Variants in AVEN observed in about 807,000 individuals in gnomAD.
AVEN encodes the protein cell death regulator Aven.
AVEN carries 41 observed loss-of-function variants against 38.1 expected under a neutral mutation model. The ratio of observed to expected loss-of-function variants is 1.08; its 90% CI spans 0.84 to 1.40. The LOEUF (loss-of-function observed/expected upper bound fraction) is 1.40. Among genes scored for constraint, AVEN ranks in the 40% most tolerant of loss-of-function variants. The pLI, the probability that AVEN is intolerant of heterozygous loss-of-function variation, is 0.00. For missense variants in AVEN, 605 were observed against 438.8 expected (o/e 1.38, Z -3.38); for synonymous variants, 206 against 171.8 (o/e 1.20, Z -1.56).
At chr15:33,997,491 T>C (rs557517864) in intron 2 of AVEN, among the ~76,000 whole-genome samples, 2 of 152,296 alleles carry the variant, frequency 1.3e-5, no homozygotes, top group Admixed American at 6.5e-5. Context: ...GGCACACCCG[T>C]ATTTTTATAT....
At chr15:33,961,757 G>A (rs1268184739) in intron 2 of AVEN, among the ~76,000 whole-genome samples, 8 of 135,658 alleles carry the variant, frequency 5.9e-5, no homozygotes, top group African/African-American at 1.1e-4. Context: ...AGCTTGCAGT[G>A]AGCCGAGATC....
intron 2 of AVEN, among the ~76,000 whole-genome samples, chr15:33,935,870 G>A (rs1161040293): frequency 1.3e-5 from 2 of 152,006 alleles, no homozygotes; most frequent in African/African-American, 2.4e-5. Flanking sequence ...AGACCGAGAG[G>A]ACTCCTTTAT....
chr15:34,067,598 C>A (rs898999587), intron 2 of AVEN: 1 of 152,210 alleles, frequency 6.6e-6, no homozygotes, highest in African/African-American at 2.4e-5. Flanking sequence ...TATGGATACA[C>A]GTCCTTCTTG....
chr15:33,968,335 C>A (rs538970301), intron 2 of AVEN, among the ~76,000 whole-genome samples: 1 of 152,180 alleles, frequency 6.6e-6, no homozygotes, highest in African/African-American at 2.4e-5. Context: ...GCTGTTCAAA[C>A]AGAGAACACC....
chr15:33,857,830 G>T (rs377333580), downstream of AVEN: 89 of 1,614,060 alleles, frequency 5.5e-5, 1 homozygote, highest in Middle Eastern at 8.2e-4. Context: ...TCTATACTGT[G>T]GTGGCTTTCA....
chr15:33,858,788 A>G (rs2080004659), exon 12 of AVEN: 1 of 152,170 alleles, frequency 6.6e-6, no homozygotes, highest in Admixed American at 6.5e-5. Flanking sequence ...TTTTGACCAG[A>G]TTTCAGAAAA....
chr15:33,854,492 C>A, downstream of AVEN: 2 of 1,478,212 alleles, frequency 1.4e-6, no homozygotes, highest in South Asian at 1.2e-5. Context: ...TACCCCAGTT[C>A]AGGGATGCCA....
At chr15:34,002,924 G>C in intron 2 of AVEN, 108 bp downstream of exon 2, 3 of 1,062,088 alleles carry the variant, frequency 2.8e-6, no homozygotes, top group Middle Eastern at 2.1e-4. Flanking sequence ...AAAATCCAAA[G>C]AACAAAGGAT....
intron 2 of AVEN, among the ~76,000 whole-genome samples, chr15:33,974,371 C>A (rs1278122934): frequency 6.6e-6 from 1 of 152,208 alleles, no homozygotes; most frequent in Non-Finnish European, 1.5e-5. Context: ...AGGAATGAAT[C>A]TTTGCAAGTT....
At chr15:33,983,563 C>T (rs1172175745) in intron 2 of AVEN, among the ~76,000 whole-genome samples, 2 of 151,970 alleles carry the variant, frequency 1.3e-5, no homozygotes, top group Non-Finnish European at 2.9e-5. Flanking sequence ...GAACTAGTTC[C>T]CCTGAACTTT....
At chr15:34,068,120 ATGTGTGTGTGTGTG>A (rs4041440) in intron 2 of AVEN, among the ~76,000 whole-genome samples, 9 of 150,400 alleles carry the variant, frequency 6.0e-5, no homozygotes. Flanking sequence ...CTCTCTCTGT[ATGTGTGTGTGTGTG>A]TGTGTGCACA....
chr15:34,004,685 G>A (rs959410177), intron 1 of AVEN, among the ~76,000 whole-genome samples: 1 of 152,124 alleles, frequency 6.6e-6, no homozygotes, highest in Non-Finnish European at 1.5e-5. Context: ...CCAAAATAGT[G>A]GGTGGAGAGG....
chr15:33,860,707 G>C (rs780625161), intron 11 of AVEN: 2 of 1,305,238 alleles, frequency 1.5e-6, no homozygotes. Context: ...AATATCCCCA[G>C]AAGCAAATAG....
chr15:34,050,012 C>T (rs537548961), intron 5 of AVEN, among the ~76,000 whole-genome samples: 11 of 152,040 alleles, frequency 7.2e-5, no homozygotes, highest in Middle Eastern at 3.4e-3. Context: ...CTCAGCCTCC[C>T]GAGTAGCTGG....
intron 1 of AVEN, among the ~76,000 whole-genome samples, chr15:34,017,497 T>TTTTTTTTTTTTTG (rs1555516619): frequency 6.7e-5 from 9 of 133,358 alleles, no homozygotes; most frequent in Non-Finnish European, 1.2e-4. Context: ...TTTTTTTTTT[T>TTTTTTTTTTTTTG]TTTGAGACAG....
downstream of AVEN, among the ~76,000 whole-genome samples, chr15:33,861,674 G>C (rs1236025512): frequency 3.3e-5 from 5 of 152,044 alleles, no homozygotes; most frequent in Admixed American, 6.5e-5. Flanking sequence ...ATAATATTGG[G>C]TCTTGTCAAA....
intron 2 of AVEN, among the ~76,000 whole-genome samples, chr15:33,995,868 G>A (rs188053089): frequency 3.0e-3 from 463 of 152,354 alleles, no homozygotes; most frequent in African/African-American, 0.01. Flanking sequence ...GAGCTGAAGC[G>A]GGGCGGGGCG....
chr15:33,984,047 G>A (rs140009973), intron 2 of AVEN, among the ~76,000 whole-genome samples: 52 of 152,078 alleles, frequency 3.4e-4, no homozygotes, highest in African/African-American at 1.2e-3. Flanking sequence ...AAGAGACTAA[G>A]GAAATACAAA....
At chr15:34,038,174 T>A (rs1477290706) in intron 1 of AVEN, among the ~76,000 whole-genome samples, 3 of 152,186 alleles carry the variant, frequency 2.0e-5, no homozygotes, top group African/African-American at 7.2e-5. Context: ...TTTCTACACA[T>A]ACAGGCATAA....
Sources: allele counts gnomAD v4.1 joint callset (sites outside exome capture counted in the v4.1 genomes callset), GRCh38; gene constraint gnomAD v4.1.1; transcripts MANE v1.5; gene names NCBI Gene and HGNC (gene_info 2026-07-23, HGNC 2026-07-21).